The following KSR2 variants were observed in gnomAD, a reference collection of about 807,000 sequenced individuals.
KSR2 encodes kinase suppressor of ras 2.
In KSR2, 25 loss-of-function variants were observed where a neutral mutation model predicts 107.8. The observed-to-expected ratio is 0.23, with a 90% CI of 0.17 to 0.32. The LOEUF (loss-of-function observed/expected upper bound fraction) is 0.32. Among genes scored for constraint, KSR2 ranks in the 10% least tolerant of loss-of-function variants. KSR2 has a pLI of 1.00. For missense variants in KSR2, 887 were observed against 1,268.9 expected, an observed-to-expected ratio of 0.70 and a Z score of 4.57; for synonymous variants, 480 against 507.0, an observed-to-expected ratio of 0.95 and a Z score of 0.71.
At chr12:117,828,059 G>A (rs1012504091) in intron 3 of KSR2, among the ~76,000 whole-genome samples, 1 of 152,070 alleles carries the variant, frequency 6.6e-6, no homozygotes, top group African/African-American at 2.4e-5. Flanking sequence ...TCACAGACTC[G>A]AACACCAAGG....
chr12:117,952,224 G>A lies in KSR2; in HGVS notation c.180+15852C>T, dbSNP rs181723143. ...ACACACCCACACACACAGCAACTGT[G>A]AGGTGATGAATGTGTTAACTAACTT... On this transcript the variant is annotated intron_variant, in intron 1 of 19. Transcript: ENST00000339824. Among the ~76,000 whole-genome samples, 50 of 151,968 alleles carry A rather than the reference G, an allele frequency of 3.3e-4. 1 individual carries two copies. In the East Asian group the frequency reaches 6.2e-3, roughly 19 times the overall value.
At chr12:117,565,721 C>T (rs1878444022) in intron 7 of KSR2, among the ~76,000 whole-genome samples, 1 of 152,178 alleles carries the variant, frequency 6.6e-6, no homozygotes, top group South Asian at 2.1e-4. Flanking sequence ...TGTTTGTTTA[C>T]TCTCACTGCA....
chr12:117,870,489 A>C (rs930846171), intron 1 of KSR2, among the ~76,000 whole-genome samples: 6 of 152,178 alleles, frequency 3.9e-5, no homozygotes, highest in Non-Finnish European at 8.8e-5. Flanking sequence ...AGTCCCAGCT[A>C]CTCGGGAGGC....
intron 14 of KSR2, among the ~76,000 whole-genome samples, chr12:117,514,526 TTCTCTC>T (rs540321556): frequency 4.8e-5 from 7 of 145,428 alleles, no homozygotes; most frequent in East Asian, 2.1e-4. Context: ...TGTCTTTGGT[TTCTCTC>T]TCTCTCTCTC....
chr12:117,617,699 AG>A (rs1881963210), intron 5 of KSR2, among the ~76,000 whole-genome samples: 1 of 152,216 alleles, frequency 6.6e-6, no homozygotes. Flanking sequence ...AGGAGGATGA[AG>A]TGATTGCACA....
intron 12 of KSR2, among the ~76,000 whole-genome samples, chr12:117,527,950 A>AGTGTGTGTGT (rs10664320): frequency 8.1e-4 from 115 of 142,708 alleles, no homozygotes; most frequent in East Asian, 3.7e-3. Flanking sequence ...GGAAGACACA[A>AGTGTGTGTGT]GTGTGTGTGT....
chr12:117,697,606 G>A (rs1886123667), intron 4 of KSR2, among the ~76,000 whole-genome samples: 1 of 152,090 alleles, frequency 6.6e-6, no homozygotes, highest in Non-Finnish European at 1.5e-5. Flanking sequence ...CAGGCATGGT[G>A]GCACATGCCT....
chr12:117,541,377 G>A (rs1227263967), intron 9 of KSR2, among the ~76,000 whole-genome samples: 1 of 152,214 alleles, frequency 6.6e-6, no homozygotes, highest in Non-Finnish European at 1.5e-5. Flanking sequence ...GCATTTGCAG[G>A]CATGTTCTCC....
intron 2 of KSR2, among the ~76,000 whole-genome samples, chr12:117,859,457 A>AT (rs1189362325): frequency 4.4e-5 from 5 of 113,936 alleles, no homozygotes; most frequent in East Asian, 2.6e-4. Flanking sequence ...TTTGTTTTTT[A>AT]TTTATTTTTT....
At chr12:117,965,733 T>C (rs1896766473) in intron 1 of KSR2, among the ~76,000 whole-genome samples, 1 of 152,232 alleles carries the variant, frequency 6.6e-6, no homozygotes, top group South Asian at 2.1e-4. Flanking sequence ...ACCTGGACTG[T>C]TTATTAAACG....
chr12:117,815,990 A>AGTGTGTGT lies in KSR2; in HGVS notation c.472+39430_472+39437dup, dbSNP rs35013081. ...ACTCTGTCTCAAAAAAAAAAAATAA[A>AGTGTGTGT]GTGTGTGTGTGTGTGTGTGTGTGTG... On this transcript the variant is annotated intron_variant, in intron 3 of 19. Transcript: ENST00000339824. 3.5e-4 allele frequency among the ~76,000 whole-genome samples: 40 copies of AGTGTGTGT among 113,622 alleles called. 1 individual carries two copies. Among genetic ancestry groups the AGTGTGTGT allele is most frequent in the Non-Finnish European group, 5.2e-4 (29 of 55,444 alleles). 74.5% of individuals were successfully genotyped at this position (113,622 alleles called of 152,430 possible).
intron 1 of KSR2, among the ~76,000 whole-genome samples, chr12:117,872,295 T>C (rs1163541555): frequency 6.6e-6 from 1 of 152,206 alleles, no homozygotes; most frequent in Non-Finnish European, 1.5e-5. Flanking sequence ...ACTGAAGATG[T>C]CTGTTAAAAA....
In KSR2 at chr12:117,767,746, T is replaced by C. The variant is rs550120862; in HGVS notation, c.473-6222A>G. Among the ~76,000 whole-genome samples, 443 of 137,806 alleles carry C rather than the reference T, an allele frequency of 3.2e-3. 1 individual carries two copies. Among genetic ancestry groups the C allele is most frequent in the Non-Finnish European group, 4.8e-3 (315 of 65,414 alleles). 90.4% of individuals were successfully genotyped at this position (137,806 alleles called of 152,430 possible). A position where few individuals can be genotyped will look rare whatever the true frequency, so the allele number is the denominator to read the frequency against. On this transcript the variant is annotated intron_variant, in intron 3 of 19. Coordinates refer to ENST00000339824, the MANE Select transcript of KSR2 (RefSeq NM_173598.6). Reference sequence around the variant, plus strand: ...CTTGCAGTGAGCCGAGATCGCACCATTGCACTCCAGCCTGGGAGACAGAGC... The same window carrying C: ...CTTGCAGTGAGCCGAGATCGCACCACTGCACTCCAGCCTGGGAGACAGAGC...
At chr12:117,922,609 G>A (rs760926862) in intron 1 of KSR2, among the ~76,000 whole-genome samples, 1 of 152,258 alleles carries the variant, frequency 6.6e-6, no homozygotes, top group Non-Finnish European at 1.5e-5. Flanking sequence ...TGTGCCTGAC[G>A]AGTGCTCTGC....
chr12:117,729,178 T>C (rs75127815), intron 4 of KSR2, among the ~76,000 whole-genome samples: 1,908 of 151,098 alleles, frequency 0.013, 42 homozygotes, highest in African/African-American at 0.044. Flanking sequence ...ATAGAATCAG[T>C]GCCCCTCGGG....
chr12:117,859,461 A>AT (rs35142684), intron 2 of KSR2, among the ~76,000 whole-genome samples: 6,006 of 130,650 alleles, frequency 0.046, 147 homozygotes, highest in Middle Eastern at 0.12. Flanking sequence ...TTTTTTATTT[A>AT]TTTTTTTTTT....
intron 14 of KSR2, among the ~76,000 whole-genome samples, chr12:117,512,585 G>A (rs918805450): frequency 2.0e-5 from 3 of 152,136 alleles, no homozygotes; most frequent in Non-Finnish European, 2.9e-5. Context: ...TCTGATGCAC[G>A]TTTCAGTGTG....
intron 4 of KSR2, among the ~76,000 whole-genome samples, chr12:117,724,634 A>G (rs1887346050): frequency 6.6e-6 from 1 of 151,078 alleles, no homozygotes; most frequent in Non-Finnish European, 1.5e-5. Flanking sequence ...CATGATCCAC[A>G]TCAAACAGGC....
Position 117,574,914 on chromosome 12 carries a change from T to A in KSR2, c.1325+4205A>T, listed in dbSNP as rs77137829. On this transcript the variant is annotated intron_variant, in intron 7 of 19. Coordinates refer to ENST00000339824, the MANE Select transcript of KSR2 (RefSeq NM_173598.6). ...GGTGAAAAAAAAAAAAAAAAAAAAA[T>A]CACTCCCTCCAGGGAAGGATCAAAT... Among the ~76,000 whole-genome samples, 72 of 108,466 alleles carry A rather than the reference T, an allele frequency of 6.6e-4. 2 individuals are homozygous for A. In the South Asian group the frequency reaches 6.9e-3, roughly 10 times the overall value. 71.2% of individuals were successfully genotyped at this position (108,466 alleles called of 152,430 possible).
Sources: gnomAD v4.1 joint callset for allele counts (sites outside exome capture counted in the v4.1 genomes callset) on GRCh38, gnomAD v4.1.1 for gene constraint, MANE v1.5 for transcripts, NCBI Gene and HGNC (gene_info 2026-07-23, HGNC 2026-07-21) for gene names.